Variants in PARP12 observed in about 807,000 individuals in gnomAD.
PARP12 encodes the protein poly(ADP-ribose) polymerase family member 12, also known as protein mono-ADP-ribosyltransferase PARP12.
PARP12 carries 59 observed loss-of-function variants against 72.4 expected under a neutral mutation model. The observed-to-expected ratio is 0.81, with a 90% confidence interval of 0.66 to 1.01. The LOEUF (loss-of-function observed/expected upper bound fraction) is 1.01, where lower values mean the gene tolerates loss of function less well. Among genes scored for constraint, PARP12 ranks in the 50% least tolerant of loss-of-function variants. The pLI is 0.00. For synonymous variants in PARP12, 403 were observed against 371.4 expected, an observed-to-expected ratio of 1.09 and a Z score of -0.98; for missense variants, 851 against 914.0, an observed-to-expected ratio of 0.93 and a Z score of 0.89.
chr7:140,048,563 T>C (rs1450282516), intron 4 of PARP12, among the ~76,000 whole-genome samples: 1 of 152,146 alleles, frequency 6.6e-6, no homozygotes, highest in South Asian at 2.1e-4. Flanking sequence ...GAGAACAAGG[T>C]GCAGAATGCC....
At chr7:140,057,454 A>C (rs76711620) in intron 2 of PARP12, 261 of 446,784 alleles carry the variant, frequency 5.8e-4, no homozygotes, top group African/African-American at 4.8e-3. Flanking sequence ...AAATGGCTAC[A>C]TCCTAAGGAC....
chr7:140,050,507 G>A (rs1816918741), intron 4 of PARP12, among the ~76,000 whole-genome samples: 1 of 152,284 alleles, frequency 6.6e-6, no homozygotes, highest in South Asian at 2.1e-4. Flanking sequence ...TGAGGGCCTG[G>A]AATCCAAATC....
chr7:140,037,609 AC>A, intron 7 of PARP12, 105 bp downstream of exon 7: 2 of 1,504,380 alleles, frequency 1.3e-6, no homozygotes, highest in Non-Finnish European at 1.8e-6. Context: ...TCTTTCCTGT[AC>A]CCACCCAGGC....
intron 10 of PARP12, among the ~76,000 whole-genome samples, chr7:140,026,643 A>G (rs1815750249): frequency 6.6e-6 from 1 of 151,856 alleles, no homozygotes; most frequent in Non-Finnish European, 1.5e-5. Context: ...ATTTCCCCCA[A>G]CCCCACCCCC....
chr7:140,040,463 G>A (rs1017495492), intron 6 of PARP12, among the ~76,000 whole-genome samples: 2 of 152,166 alleles, frequency 1.3e-5, no homozygotes, highest in Admixed American at 6.5e-5. Flanking sequence ...CGCTGAGAGT[G>A]ACCATCTCCA....
rs9340762 is a variant in PARP12 at position 140,052,732 on chromosome 7, TTGTGTGTGTGTG to T, written c.862+1918_862+1929del. On this transcript the variant is annotated intron_variant, in intron 4 of 11. Transcript: ENST00000263549. The stretch of plus-strand genomic sequence containing the variant: ...TCCACAAACTTTCTGAAGACCCCTT[TTGTGTGTGTGTG>T]TGTGTGTGTGTGTGTGTGTGTGTGT... Among the ~76,000 whole-genome samples the T allele has an allele frequency of 5.9e-4, 86 of 145,810 alleles. 2 individuals are homozygous for T. The highest frequency in any genetic ancestry group is 5.3e-3 in the South Asian group (24 of 4,508).
intron 5 of PARP12, among the ~76,000 whole-genome samples, chr7:140,045,977 C>T (rs775976592): frequency 6.6e-6 from 1 of 151,656 alleles, no homozygotes; most frequent in Non-Finnish European, 1.5e-5. Flanking sequence ...GAGGTCAGAA[C>T]GGTGGTGAAC....
chr7:140,046,684 T>A (rs1183477578), intron 5 of PARP12, among the ~76,000 whole-genome samples, 200 bp downstream of exon 5: 1 of 151,670 alleles, frequency 6.6e-6, no homozygotes, highest in South Asian at 2.1e-4. Flanking sequence ...GACTTTCGAT[T>A]CCAGCCCACC....
At chr7:140,047,060 T>G (rs1816762156) in intron 4 of PARP12, 53 bp from the exon 5 acceptor site, 1 of 1,552,516 alleles carries the variant, frequency 6.4e-7, no homozygotes. Flanking sequence ...CAGCATGCCC[T>G]AGCCTTGTGG....
At chr7:140,059,869 G>T (rs1190176123) in intron 1 of PARP12, among the ~76,000 whole-genome samples, 1 of 152,210 alleles carries the variant, frequency 6.6e-6, no homozygotes, top group Non-Finnish European at 1.5e-5. Context: ...GAGAACTGGG[G>T]AAGAAATCAG....
At position 140,041,728 on chromosome 7, in the gene PARP12, G is replaced by A; in HGVS notation, c.1098C>T (p.Thr366=). Residue 366 remains threonine (T), a synonymous_variant, in exon 6 of 12, where the codon ACC becomes ACT. Transcript: ENST00000263549. ...TGGTGAGGATGAAGTGTGGAGGTTTGGTGACAGAGGAGGCCGTGGAGAGGC... is the reference window on the plus strand; with the variant it reads ...TGGTGAGGATGAAGTGTGGAGGTTTAGTGACAGAGGAGGCCGTGGAGAGGC... ...ARRLSTASSV[T]KPPHFILTTD... is the part of the protein sequence containing the mutation. The A allele has an allele frequency of 6.2e-7, 1 of 1,614,194 alleles. No individual in the cohort carries two copies. The highest frequency in any genetic ancestry group is 8.5e-7 in the Non-Finnish European group (1 of 1,180,028).
rs951768112 is a variant in PARP12, at chr7:140,033,851, T to G, written c.1421+384A>C. Reference sequence around the variant, plus strand: ...CGTGATATTCAAATACTAAAATACATGAGTTTTTATTGGTGTAATTCCATC... The same window carrying G: ...CGTGATATTCAAATACTAAAATACAGGAGTTTTTATTGGTGTAATTCCATC... On this transcript the variant is annotated intron_variant, in intron 8 of 11. Transcript: ENST00000263549. 1.7e-5 allele frequency: 17 copies of G among 988,854 alleles called. No homozygotes were observed. In the African/African-American group the frequency reaches 2.8e-4, roughly 16 times the overall value. The allele number at this position is 988,854 out of a possible 1,614,324, so 61.3% of individuals were successfully genotyped here.
intron 1 of PARP12, 132 bp from the exon 2 acceptor site, chr7:140,058,166 T>A: frequency 9.9e-7 from 1 of 1,012,750 alleles, no homozygotes; most frequent in Non-Finnish European, 1.4e-6. Flanking sequence ...GTAATTAAGT[T>A]AAAAAGAGGT....
intron 4 of PARP12, among the ~76,000 whole-genome samples, chr7:140,050,160 A>G (rs1023795878): frequency 5.5e-4 from 84 of 152,318 alleles, no homozygotes; most frequent in African/African-American, 1.9e-3. Context: ...AGAGAGAAAA[A>G]TGCAGACAAA....
chr7:140,053,169 A>C (rs931671372), intron 4 of PARP12, among the ~76,000 whole-genome samples: 2 of 152,230 alleles, frequency 1.3e-5, no homozygotes, highest in Non-Finnish European at 2.9e-5. Context: ...TGTATTTGTA[A>C]AAGCCAAAAA....
At chr7:140,040,722 T>C (rs1816429611) in intron 6 of PARP12, among the ~76,000 whole-genome samples, 1 of 152,160 alleles carries the variant, frequency 6.6e-6, no homozygotes, top group Non-Finnish European at 1.5e-5. Context: ...AAAATACCTA[T>C]CGATTTTCAT....
intron 8 of PARP12, among the ~76,000 whole-genome samples, chr7:140,030,120 G>C (rs1161034025): frequency 1.3e-5 from 2 of 152,172 alleles, no homozygotes; most frequent in Non-Finnish European, 2.9e-5. Context: ...GCTCTTAAAA[G>C]TAGCCAAAGG....
intron 3 of PARP12, among the ~76,000 whole-genome samples, chr7:140,056,184 T>C (rs1329306666): frequency 6.6e-6 from 1 of 152,232 alleles, no homozygotes; most frequent in Non-Finnish European, 1.5e-5. Flanking sequence ...ACTCAAGAAA[T>C]GCTTATTAAA....
intron 11 of PARP12, chr7:140,025,661 A>G (rs1815710943): frequency 5.2e-6 from 2 of 383,116 alleles, no homozygotes; most frequent in Non-Finnish European, 1.1e-5. Flanking sequence ...CGCAGGTAAA[A>G]TTTACCCAAA....
Sources: allele counts gnomAD v4.1 joint callset (sites outside exome capture counted in the v4.1 genomes callset), GRCh38; gene constraint gnomAD v4.1.1; transcripts MANE v1.5; gene names NCBI Gene and HGNC (gene_info 2026-07-23, HGNC 2026-07-21).